Variants in CSMD1 observed in about 807,000 individuals in gnomAD.
CSMD1 encodes the protein CUB and Sushi multiple domains 1.
In CSMD1, 213 loss-of-function variants were observed where a neutral mutation model predicts 417.5. The ratio of observed to expected loss-of-function variants is 0.51; its 90% CI spans 0.46 to 0.57. The LOEUF (loss-of-function observed/expected upper bound fraction) is 0.57, where lower values mean the gene tolerates loss of function less well. Among genes scored for constraint, CSMD1 ranks in the 20% least tolerant of loss-of-function variants. The probability of loss-of-function intolerance (pLI) is 0.00; values close to 1 mark genes in which losing one functional copy is unlikely to be tolerated. For synonymous variants in CSMD1, 2,862 were observed against 1,736.8 expected, an observed-to-expected ratio of 1.65 and a Z score of -16.11; for missense variants, 6,923 against 4,529.7, an observed-to-expected ratio of 1.53 and a Z score of -15.17.
chr8:3,366,765 G>T (rs763863955), intron 20 of CSMD1, among the ~76,000 whole-genome samples: 20 of 152,170 alleles, frequency 1.3e-4, no homozygotes, highest in Non-Finnish European at 2.9e-4. Context: ...TTTGCAGAAT[G>T]TAGTGACATC....
intron 2 of CSMD1, among the ~76,000 whole-genome samples, chr8:4,486,185 A>G (rs1490796168): frequency 3.9e-4 from 4 of 10,220 alleles, no homozygotes; most frequent in African/African-American, 1.3e-3. Flanking sequence ...ACATACATAT[A>G]TATATATATA....
chr8:4,570,495 A>G (rs764643683), intron 2 of CSMD1, among the ~76,000 whole-genome samples: 1 of 152,170 alleles, frequency 6.6e-6, no homozygotes, highest in Non-Finnish European at 1.5e-5. Context: ...TGACTGGATC[A>G]TGTTGGATAA....
chr8:3,715,450 A>T (rs1291499549), intron 6 of CSMD1, among the ~76,000 whole-genome samples: 1 of 151,880 alleles, frequency 6.6e-6, no homozygotes, highest in Non-Finnish European at 1.5e-5. Flanking sequence ...CTGCATGATC[A>T]TTTTTTCTTT....
intron 5 of CSMD1, among the ~76,000 whole-genome samples, chr8:3,822,928 G>C (rs970420545): frequency 4.6e-5 from 7 of 152,190 alleles, no homozygotes; most frequent in African/African-American, 1.4e-4. Flanking sequence ...AAGACTGTTT[G>C]GTATTCTATC....
intron 3 of CSMD1, among the ~76,000 whole-genome samples, chr8:4,062,879 C>T (rs903446824): frequency 6.6e-6 from 1 of 150,390 alleles, no homozygotes; most frequent in African/African-American, 2.5e-5. Context: ...GTACGTAATA[C>T]TGAAGAGTAA....
chr8:3,932,421 C>T (rs527437291), intron 5 of CSMD1, among the ~76,000 whole-genome samples: 1 of 150,422 alleles, frequency 6.6e-6, no homozygotes, highest in East Asian at 2.0e-4. Flanking sequence ...TGACATTTCT[C>T]ATGGTATTTC....
rs573466992 is a variant in CSMD1, at chr8:3,732,312, T to G, written c.931+21618A>C. Among the ~76,000 whole-genome samples the G allele has an allele frequency of 2.0e-5, 3 of 152,306 alleles. No homozygotes were observed. The Middle Eastern group carries it at 0.01, about 518-fold the overall frequency. On this transcript the variant is annotated intron_variant, in intron 6 of 69. Coordinates refer to ENST00000635120, the MANE Select transcript of CSMD1 (RefSeq NM_033225.6). ...AAAATCTTTCCGCTAAAAATAATTTTGATCAAGTCATTTAACCTGTGTGGA... is the reference window on the plus strand; with the variant it reads ...AAAATCTTTCCGCTAAAAATAATTTGGATCAAGTCATTTAACCTGTGTGGA...
At chr8:3,060,775 C>G (rs956429659) in intron 49 of CSMD1, among the ~76,000 whole-genome samples, 2 of 152,150 alleles carry the variant, frequency 1.3e-5, no homozygotes, top group Non-Finnish European at 2.9e-5. Flanking sequence ...AAAAGGTGAT[C>G]AGGTCATGAG....
intron 10 of CSMD1, among the ~76,000 whole-genome samples, chr8:3,501,085 A>C (rs1310559758): frequency 6.6e-6 from 1 of 152,260 alleles, no homozygotes; most frequent in Non-Finnish European, 1.5e-5. Context: ...AATCAAAAAT[A>C]AAATATACTA....
At chr8:4,121,006 T>C (rs774881400) in intron 3 of CSMD1, among the ~76,000 whole-genome samples, 2 of 152,312 alleles carry the variant, frequency 1.3e-5, no homozygotes, top group East Asian at 3.9e-4. Context: ...TTTTGATGGC[T>C]TGGTTTATTA....
intron 4 of CSMD1, among the ~76,000 whole-genome samples, chr8:4,029,567 G>A (rs1797235278): frequency 1.3e-5 from 2 of 152,050 alleles, no homozygotes; most frequent in East Asian, 1.9e-4. Flanking sequence ...ACCTCCCACT[G>A]GCTTCCTCCC....
chr8:3,762,735 GC>G (rs1412242412), intron 5 of CSMD1, among the ~76,000 whole-genome samples: 1 of 152,152 alleles, frequency 6.6e-6, no homozygotes, highest in Admixed American at 6.5e-5. Context: ...GGGGAGCCAG[GC>G]CACAGCTCGG....
Position 3,984,990 on chromosome 8 carries a change from A to G in CSMD1, c.818+12913T>C, listed in dbSNP as rs188279184. Among the ~76,000 whole-genome samples the G allele has an allele frequency of 1.8e-3, 277 of 152,192 alleles. 1 individual carries two copies. The highest frequency in any genetic ancestry group is 6.5e-3 in the African/African-American group (268 of 41,524). On this transcript the variant is annotated intron_variant, in intron 5 of 69. Transcript: ENST00000635120. ...GACTTGGGAAAGATGGATTATTCCGATACTGGGAAAATCACGGATCTCATA... is the reference window on the plus strand; with the variant it reads ...GACTTGGGAAAGATGGATTATTCCGGTACTGGGAAAATCACGGATCTCATA...
Position 4,043,280 on chromosome 8 carries a change from A to G in CSMD1, c.416-11181T>C, listed in dbSNP as rs368549654. Among the ~76,000 whole-genome samples the G allele has an allele frequency of 2.2e-4, 33 of 152,344 alleles. No individual in the cohort carries two copies. In the East Asian group the frequency reaches 6.0e-3, roughly 28 times the overall value. On this transcript the variant is annotated intron_variant, in intron 3 of 69. Coordinates refer to ENST00000635120, the MANE Select transcript of CSMD1 (RefSeq NM_033225.6). ...GCATAGGAGATAAAACGAATCACAGAAAGTACCCAATCCAACAAAAGGAAA... is the reference window on the plus strand; with the variant it reads ...GCATAGGAGATAAAACGAATCACAGGAAGTACCCAATCCAACAAAAGGAAA...
intron 49 of CSMD1, among the ~76,000 whole-genome samples, chr8:3,064,762 C>T (rs939892967): frequency 3.3e-5 from 5 of 152,026 alleles, no homozygotes; most frequent in Non-Finnish European, 5.9e-5. Context: ...GGGTTCTTTC[C>T]GAAAATGTGA....
intron 3 of CSMD1, among the ~76,000 whole-genome samples, chr8:4,358,966 G>GCA (rs10545077): frequency 2.0e-4 from 30 of 151,160 alleles, no homozygotes; most frequent in East Asian, 9.8e-4. Context: ...AGAGTCTTGT[G>GCA]CACACACACA....
intron 3 of CSMD1, among the ~76,000 whole-genome samples, chr8:4,334,559 G>C (rs73660752): frequency 5.3e-5 from 8 of 152,116 alleles, no homozygotes; most frequent in South Asian, 2.1e-4. Flanking sequence ...TAGTATGAAA[G>C]ATTGATGGAT....
chr8:3,591,542 G>T (rs757828136), intron 8 of CSMD1, among the ~76,000 whole-genome samples: 1 of 152,146 alleles, frequency 6.6e-6, no homozygotes, highest in Non-Finnish European at 1.5e-5. Context: ...TTCAAAACAG[G>T]AAATGGGTTG....
At chr8:4,369,515 A>G (rs943992229) in intron 3 of CSMD1, among the ~76,000 whole-genome samples, 1 of 152,106 alleles carries the variant, frequency 6.6e-6, no homozygotes, top group African/African-American at 2.4e-5. Flanking sequence ...TGCCACAATG[A>G]TTTGTCTAAC....
Sources: allele counts gnomAD v4.1 joint callset (sites outside exome capture counted in the v4.1 genomes callset), GRCh38; gene constraint gnomAD v4.1.1; transcripts MANE v1.5; gene names NCBI Gene and HGNC (gene_info 2026-07-23, HGNC 2026-07-21).